Variants in ZCCHC7 observed in about 807,000 individuals in gnomAD.
ZCCHC7 encodes the protein zinc finger CCHC-type containing 7.
A neutral mutation model predicts 52.0 loss-of-function variants in ZCCHC7; 35 were observed. The ratio of observed to expected loss-of-function variants is 0.67; its 90% CI spans 0.51 to 0.89. The LOEUF is 0.89. Among genes scored for constraint, ZCCHC7 ranks in the 40% least tolerant of loss-of-function variants. The pLI is 0.00. For synonymous variants in ZCCHC7, 217 were observed against 221.5 expected, an observed-to-expected ratio of 0.98 and a Z score of 0.18; for missense variants, 574 against 649.1, an observed-to-expected ratio of 0.88 and a Z score of 1.26.
chr9:37,262,054 C>G (rs562308572), intron 2 of ZCCHC7, among the ~76,000 whole-genome samples: 1 of 152,224 alleles, frequency 6.6e-6, no homozygotes, highest in East Asian at 1.9e-4. Context: ...CATTTTTATA[C>G]TTTTGATGAT....
At position 37,304,191 on chromosome 9, in the gene ZCCHC7, C is replaced by T. The variant is rs1829184515; in HGVS notation, c.658C>T (p.Gln220Ter). Residue 220 changes from glutamine (Q) to a stop codon, truncating the protein, a stop_gained, in exon 4 of 9, where the codon CAG becomes TAG. Transcript: ENST00000336755. LOFTEE classifies it high-confidence loss of function. ...WSISDKDIEA[Q>*]IANNRTPGRW... The stretch of plus-strand genomic sequence containing the variant: ...TCTTGATTTTTTTTTCCCTTAGGCC[C>T]AGATAGCTAATAACCGAACACCTGG... 1 of 1,606,746 alleles carries T rather than the reference C, an allele frequency of 6.2e-7. No homozygotes were observed. Among genetic ancestry groups the T allele is most frequent in the African/African-American group, 1.3e-5 (1 of 74,240 alleles).
intron 6 of ZCCHC7, among the ~76,000 whole-genome samples, chr9:37,342,702 T>G (rs768230863): frequency 4.6e-5 from 7 of 152,174 alleles, no homozygotes; most frequent in Non-Finnish European, 7.4e-5. Flanking sequence ...TACTGATAGG[T>G]TGTTATGTAA....
chr9:37,338,095 A>T (rs1378565105), intron 6 of ZCCHC7, among the ~76,000 whole-genome samples: 1 of 152,150 alleles, frequency 6.6e-6, no homozygotes, highest in South Asian at 2.1e-4. Context: ...TCAGGAAGTG[A>T]ATTACTCTGA....
chr9:37,273,453 A>AG (rs1359690079), intron 2 of ZCCHC7, among the ~76,000 whole-genome samples: 4 of 152,156 alleles, frequency 2.6e-5, no homozygotes. Flanking sequence ...CAGTGAGCTG[A>AG]GATCGCGCCA....
chr9:37,240,045 A>C (rs891258604), intron 2 of ZCCHC7, among the ~76,000 whole-genome samples: 7 of 152,058 alleles, frequency 4.6e-5, no homozygotes, highest in African/African-American at 1.4e-4. Flanking sequence ...AAAGCCAATT[A>C]TTAGAATAAT....
At chr9:37,234,357 T>G (rs1288657716) in intron 2 of ZCCHC7, among the ~76,000 whole-genome samples, 1 of 152,264 alleles carries the variant, frequency 6.6e-6, no homozygotes, top group Non-Finnish European at 1.5e-5. Context: ...TGGGTACTTT[T>G]GACTTCCATG....
intron 2 of ZCCHC7, among the ~76,000 whole-genome samples, chr9:37,193,832 C>A (rs1370226229): frequency 6.6e-6 from 1 of 152,190 alleles, no homozygotes; most frequent in Non-Finnish European, 1.5e-5. Context: ...GAATTTCTTT[C>A]TCCCTCTTTC....
At chr9:37,301,129 A>G (rs1229536024) in intron 2 of ZCCHC7, among the ~76,000 whole-genome samples, 1 of 152,230 alleles carries the variant, frequency 6.6e-6, no homozygotes, top group Non-Finnish European at 1.5e-5. Context: ...GCTAGTGGAC[A>G]CAGTTAATAC....
At chr9:37,352,867 C>G (rs575821939) in intron 7 of ZCCHC7, among the ~76,000 whole-genome samples, 1 of 151,818 alleles carries the variant, frequency 6.6e-6, no homozygotes, top group African/African-American at 2.4e-5. Flanking sequence ...GCCATATAAC[C>G]TCTAGGACCC....
At chr9:37,162,909 C>T (rs1400850287) in intron 2 of ZCCHC7, among the ~76,000 whole-genome samples, 1 of 152,000 alleles carries the variant, frequency 6.6e-6, no homozygotes, top group African/African-American at 2.4e-5. Flanking sequence ...TCTGTCTCTA[C>T]TAAAAAATAC....
At chr9:37,346,191 T>C (rs1379352193) in intron 6 of ZCCHC7, among the ~76,000 whole-genome samples, 3 of 152,106 alleles carry the variant, frequency 2.0e-5, no homozygotes, top group Non-Finnish European at 4.4e-5. Flanking sequence ...TTAGTAGAAA[T>C]GAGGCTTCTC....
intron 2 of ZCCHC7, among the ~76,000 whole-genome samples, chr9:37,197,951 A>G (rs1056097702): frequency 2.0e-5 from 3 of 152,154 alleles, no homozygotes; most frequent in African/African-American, 7.2e-5. Flanking sequence ...ATCACCCATC[A>G]CTTGATGTTA....
At chr9:37,296,025 A>G (rs916232129) in intron 2 of ZCCHC7, among the ~76,000 whole-genome samples, 11 of 152,176 alleles carry the variant, frequency 7.2e-5, no homozygotes, top group African/African-American at 2.7e-4. Context: ...TATTTACTTT[A>G]GGTTGGTGCA....
intron 6 of ZCCHC7, among the ~76,000 whole-genome samples, chr9:37,339,665 G>A (rs1470482219): frequency 6.6e-6 from 1 of 152,130 alleles, no homozygotes; most frequent in Non-Finnish European, 1.5e-5. Context: ...GGTTATGAAT[G>A]CATTTACCTC....
At chr9:37,235,094 T>C (rs1374707070) in intron 2 of ZCCHC7, among the ~76,000 whole-genome samples, 2 of 152,172 alleles carry the variant, frequency 1.3e-5, no homozygotes, top group African/African-American at 4.8e-5. Context: ...GCAAGTACAT[T>C]CAAAATGTTA....
chr9:37,258,757 TAAAAAAAAAAA>T (rs5897683), intron 2 of ZCCHC7, among the ~76,000 whole-genome samples: 2,160 of 55,480 alleles, frequency 0.039, 71 homozygotes, highest in Admixed American at 0.14. Flanking sequence ...TCCTGTCTCT[TAAAAAAAAAAA>T]AAAAAAAAAA....
intron 2 of ZCCHC7, among the ~76,000 whole-genome samples, chr9:37,207,050 C>T (rs1193461407): frequency 6.6e-6 from 1 of 152,040 alleles, no homozygotes; most frequent in African/African-American, 2.4e-5. Flanking sequence ...CGCTTGAACC[C>T]AGGAGTTTGA....
intron 2 of ZCCHC7, among the ~76,000 whole-genome samples, chr9:37,212,397 A>C (rs1824288776): frequency 6.6e-6 from 1 of 152,218 alleles, no homozygotes; most frequent in South Asian, 2.1e-4. Flanking sequence ...ATTCCTTTAA[A>C]AAAATTTTTG....
rs576190894 is a variant in ZCCHC7 at position 37,353,668 on chromosome 9, TA to T, written c.1084-1041del. Among the ~76,000 whole-genome samples the T allele has an allele frequency of 2.6e-4, 40 of 152,298 alleles. No individual in the cohort carries two copies. In the South Asian group the frequency reaches 2.7e-3, roughly 10 times the overall value. On this transcript the variant is annotated intron_variant, in intron 7 of 8. Coordinates refer to ENST00000336755, the MANE Select transcript of ZCCHC7 (RefSeq NM_032226.3). ...ATGAGGGTGAATATAGGTTTTTAAT[TA>T]TTTTTTTATAAATTGTGTGTTTAGA...
Sources: gnomAD v4.1 joint callset for allele counts (sites outside exome capture counted in the v4.1 genomes callset) on GRCh38, gnomAD v4.1.1 for gene constraint, MANE v1.5 for transcripts, NCBI Gene and HGNC (gene_info 2026-07-23, HGNC 2026-07-21) for gene names.